MBD5: variants seen among roughly 807,000 people sequenced by gnomAD.
MBD5 encodes methyl-CpG-binding domain protein 5.
Under a neutral mutation model 117.3 loss-of-function variants are expected in MBD5, and 13 were observed. That is an observed-to-expected ratio of 0.11 (90% CI 0.07 to 0.18). The LOEUF (loss-of-function observed/expected upper bound fraction) is 0.18. Ranked by LOEUF, MBD5 falls within the 10% of genes least tolerant of loss-of-function variation. The pLI is 1.00. For missense variants in MBD5, 1,879 were observed against 2,093.8 expected, an observed-to-expected ratio of 0.90 and a Z score of 2.00; for synonymous variants, 727 against 766.4, an observed-to-expected ratio of 0.95 and a Z score of 0.85.
rs780140860 is a variant in MBD5, at chr2:148,469,970, A to G, written c.2027A>G (p.Asp676Gly). 3.1e-6 allele frequency: 5 copies of G among 1,613,852 alleles called. No individual in the cohort carries two copies. In the Admixed American group the frequency reaches 5.0e-5, roughly 16 times the overall value. ...AGTTTGCTCAGACAGTCTCAAATGG[A>G]TAGTTCTGCAGTTCCTAAACCTGGA... ...VLSLLRQSQM[D>G]SSAVPKPGPD... The change falls in exon 8 of 14, where the codon GAT (aspartate) becomes GGT (glycine). Residue 676 changes from aspartate (D) to glycine (G), a missense_variant. Transcript: ENST00000642680.
At chr2:148,425,939 C>T (rs1048467538) in intron 4 of MBD5, among the ~76,000 whole-genome samples, 16 of 151,956 alleles carry the variant, frequency 1.1e-4, no homozygotes, top group African/African-American at 3.9e-4. Flanking sequence ...AGCTGATAAG[C>T]AACTTCAGCA....
intron 4 of MBD5, among the ~76,000 whole-genome samples, chr2:148,365,407 C>T (rs953986462): frequency 6.6e-6 from 1 of 151,916 alleles, no homozygotes; most frequent in Non-Finnish European, 1.5e-5. Flanking sequence ...AAACCGACAC[C>T]CTAACATCAC....
intron 4 of MBD5, chr2:148,346,171 AAAAT>A (rs1274497621): frequency 6.6e-6 from 1 of 151,684 alleles, no homozygotes; most frequent in Non-Finnish European, 1.5e-5. Flanking sequence ...ACTGCTCTGA[AAAAT>A]AAACTCTATT....
At chr2:148,448,561 ATTAC>A (rs1218705289) in intron 4 of MBD5, among the ~76,000 whole-genome samples, 1 of 151,970 alleles carries the variant, frequency 6.6e-6, no homozygotes, top group Non-Finnish European at 1.5e-5. Flanking sequence ...TAAAGTATAA[ATTAC>A]TTTACCTCTG....
chr2:148,053,538 T>G (rs1694776600), intron 1 of MBD5, among the ~76,000 whole-genome samples: 1 of 152,082 alleles, frequency 6.6e-6, no homozygotes, highest in African/African-American at 2.4e-5. Context: ...ATTTTGGGTT[T>G]AATCATCTCT....
At chr2:148,207,131 C>A (rs1438692600) in intron 2 of MBD5, among the ~76,000 whole-genome samples, 2 of 152,122 alleles carry the variant, frequency 1.3e-5, no homozygotes, top group African/African-American at 4.8e-5. Context: ...GCAGGAGGGG[C>A]AAGGAGGTAC....
At chr2:148,259,622 A>G (rs1700683891) in intron 3 of MBD5, among the ~76,000 whole-genome samples, 1 of 152,168 alleles carries the variant, frequency 6.6e-6, no homozygotes. Context: ...GGAATTGTAG[A>G]CAGTTTTGAC....
chr2:148,117,270 C>T (rs1473455673), intron 1 of MBD5, among the ~76,000 whole-genome samples: 1 of 151,520 alleles, frequency 6.6e-6, no homozygotes, highest in Non-Finnish European at 1.5e-5. Flanking sequence ...TATAGAATTT[C>T]AATAACAAGC....
chr2:148,391,243 T>G (rs765337494), intron 4 of MBD5, among the ~76,000 whole-genome samples: 4 of 151,162 alleles, frequency 2.6e-5, no homozygotes, highest in Non-Finnish European at 5.9e-5. Context: ...TGATTATTTT[T>G]AGATGTTTTA....
intron 2 of MBD5, among the ~76,000 whole-genome samples, chr2:148,208,088 C>T (rs1292627049): frequency 6.6e-6 from 1 of 152,112 alleles, no homozygotes; most frequent in Non-Finnish European, 1.5e-5. Context: ...TGTTTCTTAC[C>T]TCTTCCAGCT....
chr2:148,226,889 G>T (rs960993350), intron 2 of MBD5, among the ~76,000 whole-genome samples: 57 of 152,162 alleles, frequency 3.7e-4, no homozygotes, highest in African/African-American at 1.3e-3. Flanking sequence ...TTTCATGTGT[G>T]TTTTGGCTGC....
At chr2:148,023,499 G>C (rs967177065) in intron 1 of MBD5, among the ~76,000 whole-genome samples, 1 of 151,970 alleles carries the variant, frequency 6.6e-6, no homozygotes, top group Admixed American at 6.5e-5. Context: ...ACCTTTCTCT[G>C]AGATGTAATT....
intron 1 of MBD5, among the ~76,000 whole-genome samples, chr2:148,094,047 G>C (rs967293980): frequency 2.0e-5 from 3 of 152,184 alleles, no homozygotes; most frequent in Non-Finnish European, 2.9e-5. Context: ...GAGCTGAAGA[G>C]ACATGCCCAT....
chr2:148,483,290 T>G lies in MBD5; in HGVS notation c.2699T>G (p.Phe900Cys). ...PFVGQEHALH[F>C]PSNSTSNNHL... Reference sequence around the variant, plus strand: ...GTTGGCCAGGAGCACGCACTTCATTTTCCATCCAACAGCACTTCAAACAAC... The same window carrying G: ...GTTGGCCAGGAGCACGCACTTCATTGTCCATCCAACAGCACTTCAAACAAC... The change falls in exon 9 of 14, where the codon TTT becomes TGT. Residue 900 changes from phenylalanine to cysteine, a missense_variant. Coordinates refer to ENST00000642680, the MANE Select transcript of MBD5 (RefSeq NM_001378120.1). The G allele has an allele frequency of 6.2e-7, 1 of 1,614,042 alleles. No homozygotes were observed. Among genetic ancestry groups the G allele is most frequent in the Non-Finnish European group, 8.5e-7 (1 of 1,179,984 alleles).
At chr2:148,386,805 T>C (rs1179367534) in intron 4 of MBD5, among the ~76,000 whole-genome samples, 1 of 150,838 alleles carries the variant, frequency 6.6e-6, no homozygotes, top group Non-Finnish European at 1.5e-5. Flanking sequence ...AACTGTGAAA[T>C]CTAAGATGAA....
At chr2:148,026,037 A>G (rs1284876556) in intron 1 of MBD5, 2 of 152,234 alleles carry the variant, frequency 1.3e-5, no homozygotes, top group African/African-American at 4.8e-5. Flanking sequence ...TATACCTTTT[A>G]CAAAAGTATT....
chr2:148,267,547 T>C (rs890698251), intron 3 of MBD5, among the ~76,000 whole-genome samples: 1 of 152,182 alleles, frequency 6.6e-6, no homozygotes, highest in Non-Finnish European at 1.5e-5. Context: ...AATATATTAC[T>C]GACAAAGCTA....
intron 4 of MBD5, among the ~76,000 whole-genome samples, chr2:148,408,807 T>A (rs1286829012): frequency 6.6e-6 from 1 of 151,940 alleles, no homozygotes; most frequent in Non-Finnish European, 1.5e-5. Context: ...ATTACATATG[T>A]ACTGAACATG....
intron 1 of MBD5, among the ~76,000 whole-genome samples, chr2:148,140,140 C>A (rs549019611): frequency 6.6e-6 from 1 of 152,264 alleles, no homozygotes; most frequent in African/African-American, 2.4e-5. Context: ...TCCTAGAACA[C>A]AGATTCTTTT....
Sources: gnomAD v4.1 joint callset for allele counts (sites outside exome capture counted in the v4.1 genomes callset) on GRCh38, gnomAD v4.1.1 for gene constraint, MANE v1.5 for transcripts, NCBI Gene and HGNC (gene_info 2026-07-23, HGNC 2026-07-21) for gene names.